The following SYBU variants were observed in gnomAD, a reference collection of about 807,000 sequenced individuals.
The protein encoded by SYBU is GOLSYN A protein.
Under a neutral mutation model 35.9 loss-of-function variants are expected in SYBU, and 21 were observed. That is an observed-to-expected ratio of 0.58 (90% CI 0.41 to 0.84). SYBU has a LOEUF of 0.84. Among genes scored for constraint, SYBU ranks in the 40% least tolerant of loss-of-function variants. The probability of loss-of-function intolerance (pLI) is 0.00; values close to 1 mark genes in which losing one functional copy is unlikely to be tolerated. For synonymous variants in SYBU, 319 were observed against 324.3 expected (o/e 0.98, Z 0.18); for missense variants, 768 against 848.2 (o/e 0.91, Z 1.17).
chr8:109,594,177 G>A (rs1304599024), intron 3 of SYBU, among the ~76,000 whole-genome samples: 3 of 152,172 alleles, frequency 2.0e-5, no homozygotes, highest in African/African-American at 7.2e-5. Context: ...GTGCGGAGCA[G>A]GGGTGTCATT....
At chr8:109,609,515 A>G (rs1171083056) in intron 3 of SYBU, among the ~76,000 whole-genome samples, 1 of 152,222 alleles carries the variant, frequency 6.6e-6, no homozygotes, top group Non-Finnish European at 1.5e-5. Context: ...AATGAAGGAT[A>G]CTCATATATG....
chr8:109,680,194 T>C (rs868348413), intron 1 of SYBU: 1 of 152,250 alleles, frequency 6.6e-6, no homozygotes, highest in Admixed American at 6.5e-5. Flanking sequence ...ACTTACATTC[T>C]AGAGCAAAGC....
At chr8:109,577,383 A>G (rs889803204) in intron 6 of SYBU, among the ~76,000 whole-genome samples, 2 of 151,722 alleles carry the variant, frequency 1.3e-5, no homozygotes, top group Non-Finnish European at 2.9e-5. Flanking sequence ...TTCAGCCTTA[A>G]CACTTGGCCA....
At chr8:109,637,703 A>C (rs1282394782) in intron 2 of SYBU, among the ~76,000 whole-genome samples, 1 of 152,182 alleles carries the variant, frequency 6.6e-6, no homozygotes, top group Non-Finnish European at 1.5e-5. Flanking sequence ...GCTTCACTCT[A>C]TCCAGATGCC....
intron 1 of SYBU, among the ~76,000 whole-genome samples, chr8:109,663,176 A>G (rs1367036502): frequency 6.6e-6 from 1 of 152,184 alleles, no homozygotes; most frequent in Admixed American, 6.5e-5. Flanking sequence ...ATCAAGCACA[A>G]GAAACATAAA....
At chr8:109,679,183 C>G (rs980992383) in intron 1 of SYBU, among the ~76,000 whole-genome samples, 2 of 152,080 alleles carry the variant, frequency 1.3e-5, no homozygotes, top group African/African-American at 4.8e-5. Context: ...AATGCCATGG[C>G]AATATAAGGA....
At chr8:109,612,644 G>A (rs1811297730) in intron 3 of SYBU, among the ~76,000 whole-genome samples, 1 of 152,128 alleles carries the variant, frequency 6.6e-6, no homozygotes, top group South Asian at 2.1e-4. Flanking sequence ...ACTGCACTAA[G>A]CGCTACAAGT....
chr8:109,628,296 G>A (rs1422857717), intron 2 of SYBU, among the ~76,000 whole-genome samples: 1 of 151,932 alleles, frequency 6.6e-6, no homozygotes, highest in East Asian at 1.9e-4. Flanking sequence ...ATAGCTTGAG[G>A]ACAGGAGTTT....
chr8:109,691,447 T>A lies in SYBU; in HGVS notation c.-172A>T, dbSNP rs1479275343. 1 of 651,642 alleles carries A rather than the reference T, an allele frequency of 1.5e-6. No homozygotes were observed. Among genetic ancestry groups the A allele is most frequent in the Non-Finnish European group, 2.7e-6 (1 of 364,036 alleles). The allele number at this position is 651,642 out of a possible 1,614,324, so 40.4% of individuals were successfully genotyped here. A position where few individuals can be genotyped will look rare whatever the true frequency, so the allele number is the denominator to read the frequency against. On this transcript the variant is annotated 5_prime_UTR_variant, in exon 1 of 8. Coordinates refer to the SYBU transcript ENST00000422135. This position sits in a 1 kb window ranked among gnomAD's most constrained non-coding sequence, Gnocchi z 4.7. ...CGGTGCGGACGGGACCCCGCGTCGC[T>A]GCTGGTTTGCGCTCAGGCCCGGGGA...
At chr8:109,620,342 C>T (rs1166573891) in intron 2 of SYBU, among the ~76,000 whole-genome samples, 7 of 152,134 alleles carry the variant, frequency 4.6e-5, no homozygotes, top group South Asian at 2.1e-4. Flanking sequence ...GTGAATATTA[C>T]GGGAACTAAA....
At chr8:109,663,510 T>C (rs1563771391) in intron 1 of SYBU, among the ~76,000 whole-genome samples, 1 of 152,168 alleles carries the variant, frequency 6.6e-6, no homozygotes, top group Non-Finnish European at 1.5e-5. Flanking sequence ...TCAATTAGGC[T>C]TTGGAAACTG....
At chr8:109,635,051 G>A (rs771897613) in intron 2 of SYBU, among the ~76,000 whole-genome samples, 3 of 151,972 alleles carry the variant, frequency 2.0e-5, no homozygotes, top group African/African-American at 7.2e-5. Flanking sequence ...TCTATTATCT[G>A]TTCCCCATCC....
chr8:109,619,640 A>G (rs116601222), intron 2 of SYBU, among the ~76,000 whole-genome samples: 2,158 of 152,310 alleles, frequency 0.014, 52 homozygotes, highest in African/African-American at 0.049. Flanking sequence ...GTGTCCATAG[A>G]TTTTTGGATG....
chr8:109,619,072 T>C (rs1316929894), intron 2 of SYBU, 33 bp from the exon 3 acceptor site: 1 of 1,563,144 alleles, frequency 6.4e-7, no homozygotes, highest in Admixed American at 1.7e-5. Context: ...TGTTTAATGA[T>C]GAGGAGGAAA....
intron 1 of SYBU, among the ~76,000 whole-genome samples, chr8:109,679,133 A>C (rs1218841276): frequency 6.6e-6 from 1 of 152,220 alleles, no homozygotes; most frequent in Non-Finnish European, 1.5e-5. Flanking sequence ...ATTCATTAGC[A>C]TGTTAAAAGA....
At chr8:109,616,726 G>A (rs1811838983) in intron 3 of SYBU, among the ~76,000 whole-genome samples, 1 of 149,542 alleles carries the variant, frequency 6.7e-6, no homozygotes, top group East Asian at 2.0e-4. Context: ...CTATGAAGCT[G>A]ACATTCTTTC....
chr8:109,632,088 C>T (rs1360859693), intron 2 of SYBU, among the ~76,000 whole-genome samples: 2 of 152,142 alleles, frequency 1.3e-5, no homozygotes, highest in African/African-American at 2.4e-5. Context: ...TCGCTCTTGT[C>T]GCCCAGGCTG....
chr8:109,611,134 A>T (rs1811120683), intron 3 of SYBU, among the ~76,000 whole-genome samples: 2 of 152,192 alleles, frequency 1.3e-5, no homozygotes. Context: ...AATGGTGGGT[A>T]TCTGGTCTGC....
chr8:109,685,850 T>G (rs2130789136), upstream of SYBU, among the ~76,000 whole-genome samples: 1 of 152,266 alleles, frequency 6.6e-6, no homozygotes, highest in Non-Finnish European at 1.5e-5. Flanking sequence ...ACTATGGGAC[T>G]AAAAAATTAC....
Sources: allele counts gnomAD v4.1 joint callset (sites outside exome capture counted in the v4.1 genomes callset), GRCh38; gene constraint gnomAD v4.1.1; non-coding constraint Gnocchi (gnomAD v3.1); transcripts MANE v1.5; gene names NCBI Gene and HGNC (gene_info 2026-07-23, HGNC 2026-07-21).